Variants in STX6 observed in about 807,000 individuals in gnomAD.
STX6 encodes syntaxin 6.
Under a neutral mutation model 38.0 loss-of-function variants are expected in STX6, and 23 were observed. The observed-to-expected ratio is 0.60, with a 90% confidence interval of 0.43 to 0.86. STX6 has a LOEUF of 0.86. Ranked by LOEUF, STX6 falls within the 40% of genes least tolerant of loss-of-function variation. STX6 has a pLI of 0.00. For missense variants in STX6, 274 were observed against 312.9 expected (o/e 0.88, Z 0.94); for synonymous variants, 123 against 107.5 (o/e 1.14, Z -0.89).
chr1:180,995,984 T>C (rs1330572775), intron 3 of STX6, among the ~76,000 whole-genome samples: 1 of 152,172 alleles, frequency 6.6e-6, no homozygotes, highest in Non-Finnish European at 1.5e-5. Context: ...TTAAGCTATA[T>C]GTTTAGGTTA....
rs1353677499 is a variant in STX6, at chr1:181,022,658, G to A, written c.16C>T (p.Pro6Ser). The change falls in exon 1 of 8, where the codon CCC becomes TCC. Residue 6 changes from proline (P) to serine (S), a missense_variant. Transcript: ENST00000258301. Reference protein sequence around the residue: MSMEDPFFVVKGEVQK... With the variant: MSMEDSFFVVKGEVQK... ...ACTCACCCTTTCACCACAAAGAAGGGGTCCTCCATGGACATGGCGTCCCGG... is the reference window on the plus strand; with the variant it reads ...ACTCACCCTTTCACCACAAAGAAGGAGTCCTCCATGGACATGGCGTCCCGG... 2 of 1,610,308 alleles carry A rather than the reference G, an allele frequency of 1.2e-6. No individual in the cohort carries two copies. Among genetic ancestry groups the A allele is most frequent in the South Asian group, 1.1e-5 (1 of 90,506 alleles).
intron 1 of STX6, among the ~76,000 whole-genome samples, chr1:181,008,735 T>TTTG (rs1273841309): frequency 5.3e-5 from 8 of 150,674 alleles, no homozygotes; most frequent in Non-Finnish European, 1.0e-4. Flanking sequence ...TTGTTTTTTT[T>TTTG]TTTTTTTTTT....
rs1655217294 is a variant in STX6 at position 180,975,396 on chromosome 1, T to TTA, written c.*1173_*1174insTA. The TTA allele has an allele frequency of 6.6e-6, 1 of 152,254 alleles. No homozygotes were observed. 9.4% of individuals were successfully genotyped at this position (152,254 alleles called of 1,614,324 possible). Reference sequence around the variant, plus strand: ...TAGTGTCTCAGCAGTTTCAGCTACTTAAACTCAATTAAAGCATCTATCATT... The same window carrying TTA: ...TAGTGTCTCAGCAGTTTCAGCTACTTTAAAACTCAATTAAAGCATCTATCATT... On this transcript the variant is annotated 3_prime_UTR_variant, in exon 8 of 8. Coordinates refer to ENST00000258301, the MANE Select transcript of STX6 (RefSeq NM_005819.6).
chr1:181,018,175 A>G (rs1429152907), intron 1 of STX6, among the ~76,000 whole-genome samples: 7 of 151,866 alleles, frequency 4.6e-5, no homozygotes, highest in Non-Finnish European at 1.0e-4. Context: ...ACCTGAGGTC[A>G]AAGTTCAAGA....
Position 180,976,504 on chromosome 1 carries a change from G to A in STX6, c.*66C>T, listed in dbSNP as rs988041608. The A allele has an allele frequency of 4.9e-5, 68 of 1,378,916 alleles. No homozygotes were observed. Among genetic ancestry groups the A allele is most frequent in the Middle Eastern group, 1.8e-4 (1 of 5,646 alleles). The allele number at this position is 1,378,916 out of a possible 1,614,324, so 85.4% of individuals were successfully genotyped here. A position where few individuals can be genotyped will look rare whatever the true frequency, so the allele number is the denominator to read the frequency against. On this transcript the variant is annotated 3_prime_UTR_variant, in exon 8 of 8. Transcript: ENST00000258301. The stretch of plus-strand genomic sequence containing the variant: ...ATGTGAGTAGACGGCAATGTCACAC[G>A]TGCTCAGCTTCTCCTCCTCCCCTCG...
At chr1:181,009,138 A>T (rs138089126) in intron 1 of STX6, among the ~76,000 whole-genome samples, 2,057 of 152,236 alleles carry the variant, frequency 0.014, 55 homozygotes, top group African/African-American at 0.047. Context: ...CAGAATATAT[A>T]TTTTTTTAAA....
chr1:180,988,255 G>A lies in STX6; in HGVS notation c.580C>T (p.Leu194=). 1.2e-6 allele frequency: 2 copies of A among 1,613,694 alleles called. No individual in the cohort carries two copies. Among genetic ancestry groups the A allele is most frequent in the Non-Finnish European group, 8.5e-7 (1 of 1,179,668 alleles). ...KNMSQRIGGE[L]EEQAVMLEDF... is the part of the protein sequence containing the mutation. Reference sequence around the variant, plus strand: ...AATACTCACACTGCCTGTTCCTCCAGCTCCCCTCCGATGCGCTGGGACATG... The same window carrying A: ...AATACTCACACTGCCTGTTCCTCCAACTCCCCTCCGATGCGCTGGGACATG... Residue 194 remains leucine, a synonymous_variant, in exon 6 of 8, where the codon CTG becomes TTG. Coordinates refer to ENST00000258301, the MANE Select transcript of STX6 (RefSeq NM_005819.6).
intron 1 of STX6, among the ~76,000 whole-genome samples, chr1:181,018,977 C>A (rs535368551): frequency 2.0e-5 from 3 of 152,194 alleles, no homozygotes; most frequent in Non-Finnish European, 4.4e-5. Context: ...CACTTATTAG[C>A]TGTGTGACCC....
At chr1:180,997,059 A>C (rs1259666428) in intron 3 of STX6, among the ~76,000 whole-genome samples, 1 of 152,240 alleles carries the variant, frequency 6.6e-6, no homozygotes, top group Non-Finnish European at 1.5e-5. Flanking sequence ...GGGAAACAGC[A>C]TGATCTTTCA....
rs921836681 is a variant in STX6, at chr1:180,978,578, C to T, written c.692-1932G>A. ...AAAATCCCCTCATGCTTCCAGCAGG[C>T]GGAGGGGAAAAAGAATCACTACGAA... On this transcript the variant is annotated intron_variant, in intron 7 of 7. Coordinates refer to ENST00000258301, the MANE Select transcript of STX6 (RefSeq NM_005819.6). Among the ~76,000 whole-genome samples the T allele has an allele frequency of 2.3e-4, 35 of 152,262 alleles. No individual in the cohort carries two copies. The Middle Eastern group carries it at 0.02, about 89-fold the overall frequency.
intron 7 of STX6, among the ~76,000 whole-genome samples, chr1:180,980,128 G>C (rs901225549): frequency 6.7e-6 from 1 of 150,276 alleles, no homozygotes; most frequent in African/African-American, 2.5e-5. Flanking sequence ...AACCACTTGA[G>C]CCTGGAAGGC....
chr1:181,018,319 G>A (rs1184518068), intron 1 of STX6, among the ~76,000 whole-genome samples: 3 of 145,366 alleles, frequency 2.1e-5, no homozygotes, highest in Non-Finnish European at 4.5e-5. Context: ...AGAGGTAGAG[G>A]TTGCAGTGAG....
At position 180,995,732 on chromosome 1, in the gene STX6, A is replaced by G. The variant is rs1655888519; in HGVS notation, c.301-2307T>C. ...AAAAATATAGTCAGTGCATTTTATA[A>G]TAGTGTTTTTTTAAAACAACACATT... On this transcript the variant is annotated intron_variant, in intron 3 of 7. Transcript: ENST00000258301. Among the ~76,000 whole-genome samples the G allele has an allele frequency of 2.6e-5, 4 of 152,364 alleles. No individual in the cohort carries two copies. The South Asian group carries it at 8.3e-4, about 32-fold the overall frequency.
At chr1:181,021,662 A>G (rs183780277) in intron 1 of STX6, among the ~76,000 whole-genome samples, 1 of 152,220 alleles carries the variant, frequency 6.6e-6, no homozygotes. Context: ...GTTTCTAATA[A>G]GAAACTAAAA....
chr1:180,980,264 TCAACA>T (rs1655369278), intron 7 of STX6, among the ~76,000 whole-genome samples: 1 of 148,824 alleles, frequency 6.7e-6, no homozygotes, highest in Non-Finnish European at 1.5e-5. Flanking sequence ...GAAAAGATGT[TCAACA>T]TTAGATGTCA....
rs1655158853 is a variant in STX6 at position 180,972,899 on chromosome 1, AAAAG to A, written c.*3667_*3670del. On this transcript the variant is annotated 3_prime_UTR_variant, in exon 8 of 8. Transcript: ENST00000258301. ...TCAAAAAAAAAAAAAGGAGAGAAAG[AAAAG>A]AAAGACCACCCCCTATTAGAAGCAA... The A allele has an allele frequency of 1.8e-5, 5 of 283,140 alleles. No homozygotes were observed. The Admixed American group carries it at 2.4e-4, about 14-fold the overall frequency. The allele number at this position is 283,140 out of a possible 1,614,324, so 17.5% of individuals were successfully genotyped here.
intron 1 of STX6, among the ~76,000 whole-genome samples, chr1:181,019,169 A>C (rs186205560): frequency 2.6e-5 from 4 of 152,134 alleles, no homozygotes; most frequent in Non-Finnish European, 5.9e-5. Context: ...CTACTTCCCT[A>C]AACTGTCTAC....
intron 2 of STX6, among the ~76,000 whole-genome samples, chr1:181,003,277 C>G (rs1342996437): frequency 6.6e-6 from 1 of 152,146 alleles, no homozygotes; most frequent in Non-Finnish European, 1.5e-5. Flanking sequence ...TACCATCTGT[C>G]CCCCATCCCT....
chr1:180,986,452 A>ATT (rs1357067412), intron 6 of STX6, among the ~76,000 whole-genome samples: 1 of 152,248 alleles, frequency 6.6e-6, no homozygotes, highest in Non-Finnish European at 1.5e-5. Context: ...GACTGGCCAC[A>ATT]TAACACTTAC....
Sources: gnomAD v4.1 joint callset for allele counts (sites outside exome capture counted in the v4.1 genomes callset) on GRCh38, gnomAD v4.1.1 for gene constraint, MANE v1.5 for transcripts, NCBI Gene and HGNC (gene_info 2026-07-23, HGNC 2026-07-21) for gene names.